Variants in COPB2 observed in about 807,000 individuals in gnomAD.
COPB2 encodes the protein coatomer subunit beta'.
In COPB2, 16 loss-of-function variants were observed where a neutral mutation model predicts 120.8. The observed-to-expected ratio is 0.13, with a 90% CI of 0.09 to 0.20. The LOEUF (loss-of-function observed/expected upper bound fraction) is 0.20, where lower values mean the gene tolerates loss of function less well. COPB2 is among the 10% of genes least tolerant of loss of function. The probability of loss-of-function intolerance (pLI) is 1.00; values close to 1 mark genes in which losing one functional copy is unlikely to be tolerated. For synonymous variants in COPB2, 332 were observed against 366.3 expected (o/e 0.91, Z 1.07); for missense variants, 794 against 1,076.5 (o/e 0.74, Z 3.67).
intron 15 of COPB2, among the ~76,000 whole-genome samples, chr3:139,365,855 A>C (rs1396139781): frequency 6.6e-6 from 1 of 152,250 alleles, no homozygotes; most frequent in Non-Finnish European, 1.5e-5. Context: ...CAGTGATTAC[A>C]TAGCCATAAT....
chr3:139,369,686 T>G, intron 10 of COPB2, 142 bp from the exon 11 acceptor site: 1 of 619,058 alleles, frequency 1.6e-6, no homozygotes, highest in Non-Finnish European at 2.8e-6. Context: ...GATGTACTGT[T>G]TTCCTAAGAG....
chr3:139,362,550 T>C (rs1941441426), intron 15 of COPB2, 33 bp from the exon 16 acceptor site: 1 of 1,412,272 alleles, frequency 7.1e-7, no homozygotes, highest in Non-Finnish European at 9.7e-7. Context: ...TATATATTTA[T>C]GCATACAAAA....
intron 9 of COPB2, 111 bp downstream of exon 9, chr3:139,373,102 C>A: frequency 9.4e-7 from 1 of 1,066,576 alleles, no homozygotes; most frequent in East Asian, 2.4e-5. Flanking sequence ...AGGGCAAAAG[C>A]ACATTGAGGA....
In COPB2 at chr3:139,373,297, T is replaced by C; in HGVS notation, c.1010A>G (p.Asp337Gly). The C allele has an allele frequency of 6.2e-7, 1 of 1,614,192 alleles. No homozygotes were observed. The highest frequency in any genetic ancestry group is 8.5e-7 in the Non-Finnish European group (1 of 1,180,026). ...TACTGCCAGTGGCAATCTTTCACCATCTTTAATTTCAGCATCTCCCATTGC... is the reference window on the plus strand; with the variant it reads ...TACTGCCAGTGGCAATCTTTCACCACCTTTAATTTCAGCATCTCCCATTGC... ...LKAMGDAEIK[D>G]GERLPLAVKD... Residue 337 changes from aspartate to glycine, a missense_variant, in exon 9 of 22, where the codon GAT (aspartate) becomes GGT (glycine). Coordinates refer to ENST00000333188, the MANE Select transcript of COPB2 (RefSeq NM_004766.3).
chr3:139,369,398 G>T, intron 11 of COPB2, 31 bp from the exon 12 acceptor site: 2 of 1,607,212 alleles, frequency 1.2e-6, no homozygotes, highest in African/African-American at 2.7e-5. Context: ...GTTTTGCTTA[G>T]GCATTTTTGA....
intron 10 of COPB2, among the ~76,000 whole-genome samples, chr3:139,371,498 T>C (rs1941622005): frequency 6.6e-6 from 1 of 152,194 alleles, no homozygotes; most frequent in Admixed American, 6.5e-5. Flanking sequence ...TAAATGGAAT[T>C]ATTGTATCAG....
In COPB2 at chr3:139,357,916, C is replaced by A; in HGVS notation, c.2668G>T (p.Glu890Ter). Reference protein sequence around the residue: ...LEVDLDNLELEDIDTTDINLD... With the variant: ...LEVDLDNLEL ...TTGATATCTGTTGTGTCAATATCTT[C>A]TAATTCCAAATTATCCAAATCTACT... Residue 890 changes from glutamate (E) to a stop codon, truncating the protein, a stop_gained, in exon 22 of 22, where the codon GAA becomes TAA. Transcript: ENST00000333188. LOFTEE classifies it high-confidence loss of function. The A allele has an allele frequency of 6.2e-7, 1 of 1,600,482 alleles. No individual in the cohort carries two copies. Among genetic ancestry groups the A allele is most frequent in the Non-Finnish European group, 8.5e-7 (1 of 1,170,366 alleles).
chr3:139,360,216 T>C (rs1175330958), intron 17 of COPB2, among the ~76,000 whole-genome samples: 1 of 148,092 alleles, frequency 6.8e-6, no homozygotes, highest in Non-Finnish European at 1.5e-5. Context: ...AATCAGTATG[T>C]AGGAGAAGGT....
In COPB2 at chr3:139,389,230, G is replaced by A. The variant is rs115098473; in HGVS notation, c.3+318C>T. Among the ~76,000 whole-genome samples the A allele has an allele frequency of 8.0e-3, 1,221 of 152,322 alleles. 6 individuals carry two copies. Among genetic ancestry groups the A allele is most frequent in the Non-Finnish European group, 0.011 (768 of 68,034 alleles). On this transcript the variant is annotated intron_variant, in intron 1 of 21. Transcript: ENST00000333188. Reference sequence around the variant, plus strand: ...TTTAGTTTTACCAAAGCCTCCTACGGAGTTCAACACATTCGGCTTCTGTGT... The same window carrying A: ...TTTAGTTTTACCAAAGCCTCCTACGAAGTTCAACACATTCGGCTTCTGTGT...
Position 139,373,201 on chromosome 3 carries a change from G to A in COPB2, c.1094+12C>T, listed in dbSNP as rs374947807. The A allele has an allele frequency of 9.7e-5, 156 of 1,613,438 alleles. 1 individual carries two copies. Among genetic ancestry groups the A allele is most frequent in the Non-Finnish European group, 1.3e-4 (149 of 1,179,556 alleles). ...ACACAGAAGCTGAGGGACAATTTTG[G>A]TGATGGCTTACCGCCCATTAGGATT... On this transcript the variant is annotated intron_variant, in intron 9 of 21. Transcript: ENST00000333188.
intron 13 of COPB2, among the ~76,000 whole-genome samples, chr3:139,367,845 T>C (rs7374317): frequency 0.38 from 57,916 of 152,118 alleles, 13,786 homozygotes; most frequent in Non-Finnish European, 0.53. Context: ...TTTGGGAGCT[T>C]ATTTAAATCA....
At chr3:139,377,625 A>G (rs1941737756) in intron 5 of COPB2, among the ~76,000 whole-genome samples, 1 of 152,238 alleles carries the variant, frequency 6.6e-6, no homozygotes, top group Non-Finnish European at 1.5e-5. Context: ...AAGATAACAG[A>G]CAGCAGTGTG....
intron 15 of COPB2, among the ~76,000 whole-genome samples, chr3:139,364,978 C>T (rs1941488676): frequency 6.6e-6 from 1 of 152,162 alleles, no homozygotes; most frequent in African/African-American, 2.4e-5. Context: ...ATATATCATT[C>T]ATATCTGTAG....
chr3:139,371,724 C>G lies in COPB2; in HGVS notation c.1204G>C (p.Glu402Gln), dbSNP rs775705582. Residue 402 changes from glutamate to glutamine, a missense_variant and splice_region_variant, in exon 10 of 22, where the codon GAG becomes CAG. Glu to Gln is a conservative substitution (Grantham distance 29). Coordinates refer to ENST00000333188, the MANE Select transcript of COPB2 (RefSeq NM_004766.3). ...GGCTATCATACAATCAAAACTTACTCTGAAGAATCGTGGGCCCATGCAAAC... is the reference window on the plus strand; with the variant it reads ...GGCTATCATACAATCAAAACTTACTGTGAAGAATCGTGGGCCCATGCAAAC... Reference protein sequence around the residue: ...QEFAWAHDSSEYAIRESNSIV... With the variant: ...QEFAWAHDSSQYAIRESNSIV... The G allele has an allele frequency of 2.5e-6, 4 of 1,613,276 alleles. No homozygotes were observed. Among genetic ancestry groups the G allele is most frequent in the Non-Finnish European group, 3.4e-6 (4 of 1,179,418 alleles).
intron 5 of COPB2, among the ~76,000 whole-genome samples, chr3:139,377,763 A>C (rs1941740360): frequency 6.6e-6 from 1 of 152,190 alleles, no homozygotes; most frequent in Non-Finnish European, 1.5e-5. Flanking sequence ...AGATATTGGC[A>C]TTTTTCTTAT....
At chr3:139,381,761 CGAT>C (rs1560021268) in intron 2 of COPB2, 1 of 151,958 alleles carries the variant, frequency 6.6e-6, no homozygotes, top group African/African-American at 2.4e-5. Flanking sequence ...TTAGAACATA[CGAT>C]GATCAAGTGA....
chr3:139,373,227 G>C lies in COPB2; in HGVS notation c.1080C>G (p.His360Gln). The change falls in exon 9 of 22, where the codon CAC becomes CAG. Residue 360 changes from histidine to glutamine, a missense_variant. Transcript: ENST00000333188. ...TGATGGCTTACCGCCCATTAGGATT[G>C]TGCTGAATAGTCTGAGGGTATATTT... ...SCEIYPQTIQ[H>Q]NPNGRFVVVC... The C allele has an allele frequency of 1.9e-6, 3 of 1,613,996 alleles. 1 individual carries two copies. Among genetic ancestry groups the C allele is most frequent in the South Asian group, 2.2e-5 (2 of 91,076 alleles).
Position 139,359,481 on chromosome 3 carries a change from T to C in COPB2, c.2211-119A>G, listed in dbSNP as rs1032421143. ...AATCTCCCCAATCTTCACACATATA[T>C]CTCATTTCTGTCACTTGTCTTTTAA... On this transcript the variant is annotated intron_variant, in intron 17 of 21. Coordinates refer to ENST00000333188, the MANE Select transcript of COPB2 (RefSeq NM_004766.3). The C allele has an allele frequency of 4.9e-6, 4 of 817,770 alleles. No individual in the cohort carries two copies. The African/African-American group carries it at 5.2e-5, about 11-fold the overall frequency. The allele number at this position is 817,770 out of a possible 1,614,324, so 50.7% of individuals were successfully genotyped here.
intron 13 of COPB2, among the ~76,000 whole-genome samples, chr3:139,367,710 T>C (rs1426187152): frequency 1.3e-5 from 2 of 152,190 alleles, no homozygotes; most frequent in African/African-American, 4.8e-5. Flanking sequence ...ATGTGAAATC[T>C]CATTGTTGGG....
Sources: gnomAD v4.1 joint callset for allele counts (sites outside exome capture counted in the v4.1 genomes callset) on GRCh38, gnomAD v4.1.1 for gene constraint, MANE v1.5 for transcripts, NCBI Gene and HGNC (gene_info 2026-07-23, HGNC 2026-07-21) for gene names.